SPMAP2L: variants seen among roughly 807,000 people sequenced by gnomAD.
The protein encoded by SPMAP2L is sperm microtubule associated protein 2 like, also known as sperm microtubule associated protein 2-like.
chr4:56,593,466 G>A, the SPMAP2L span: 2 of 1,589,806 alleles, frequency 1.3e-6, no homozygotes, highest in African/African-American at 2.7e-5. Flanking sequence ...ACACGGAGGG[G>A]AAGGTGGAAG....
At chr4:56,593,400 C>T in the SPMAP2L span, 14 of 1,348,682 alleles carry the variant, frequency 1.0e-5, no homozygotes, top group South Asian at 1.4e-4. Context: ...TGAAGTTACC[C>T]TGTGAAATGG....
At chr4:56,542,454 CTT>C in the SPMAP2L span, among the ~76,000 whole-genome samples, 8,910 of 141,978 alleles carry the variant, frequency 0.063, 456 homozygotes, top group East Asian at 0.2. Context: ...GTTAATTTAC[CTT>C]TTTTTTTTTT....
chr4:56,593,290 A>G, the SPMAP2L span: 1 of 1,181,228 alleles, frequency 8.5e-7, no homozygotes, highest in East Asian at 2.3e-5. Flanking sequence ...GCTGTGCTAC[A>G]GACACAAGAG....
chr4:56,532,092 T>C, the SPMAP2L span, among the ~76,000 whole-genome samples: 18 of 152,198 alleles, frequency 1.2e-4, no homozygotes, highest in Non-Finnish European at 2.1e-4. Flanking sequence ...TATTTCAATT[T>C]CATTTCAACT....
chr4:56,575,762 C>T, the SPMAP2L span: 1 of 942,684 alleles, frequency 1.1e-6, no homozygotes, highest in Non-Finnish European at 1.5e-6. Context: ...TGTTCCAAAG[C>T]ATCAGGTAAA....
the SPMAP2L span, among the ~76,000 whole-genome samples, chr4:56,554,703 T>G: frequency 6.6e-6 from 1 of 150,962 alleles, no homozygotes; most frequent in East Asian, 1.9e-4. Context: ...TTGTGAATCA[T>G]GCTTTTGGTG....
chr4:56,584,271 C>G, the SPMAP2L span, among the ~76,000 whole-genome samples: 1 of 152,148 alleles, frequency 6.6e-6, no homozygotes, highest in African/African-American at 2.4e-5. Context: ...GTTGGGATTA[C>G]AGACATGAGC....
At chr4:56,623,268 C>T in the SPMAP2L span, among the ~76,000 whole-genome samples, 1 of 152,196 alleles carries the variant, frequency 6.6e-6, no homozygotes, top group Non-Finnish European at 1.5e-5. Context: ...TACCCCCACC[C>T]ATGGAAAACT....
At chr4:56,610,983 A>T in the SPMAP2L span, among the ~76,000 whole-genome samples, 2 of 152,238 alleles carry the variant, frequency 1.3e-5, no homozygotes, top group African/African-American at 2.4e-5. Flanking sequence ...GAACACTTCT[A>T]CATTGCTCAT....
At chr4:56,594,574 G>A in the SPMAP2L span, 4 of 1,600,898 alleles carry the variant, frequency 2.5e-6, no homozygotes, top group East Asian at 6.7e-5. Context: ...AAGGAGAGGG[G>A]CACAGAACGG....
At chr4:56,607,111 G>A in the SPMAP2L span, among the ~76,000 whole-genome samples, 2 of 152,114 alleles carry the variant, frequency 1.3e-5, no homozygotes, top group African/African-American at 4.8e-5. Context: ...GAATGTTTGT[G>A]TCCTTCCAAA....
the SPMAP2L span, among the ~76,000 whole-genome samples, chr4:56,540,133 T>A: frequency 3.3e-5 from 5 of 152,248 alleles, no homozygotes; most frequent in African/African-American, 1.2e-4. Flanking sequence ...TGTAATCTCA[T>A]TTTATCCTTA....
At chr4:56,594,873 G>T in the SPMAP2L span, 1 of 1,609,916 alleles carries the variant, frequency 6.2e-7, no homozygotes. Context: ...GGAATCTGTC[G>T]CCCTGGAGAC....
At chr4:56,584,440 C>T in the SPMAP2L span, 1 of 1,127,464 alleles carries the variant, frequency 8.9e-7, no homozygotes, top group Non-Finnish European at 1.3e-6. Context: ...ATGGAAAATC[C>T]AGTTGTTGTT....
the SPMAP2L span, chr4:56,600,906 T>G: frequency 2.0e-6 from 3 of 1,521,056 alleles, no homozygotes; most frequent in Admixed American, 2.1e-5. Flanking sequence ...TTGGGATATA[T>G]TTTTGTGTCT....
chr4:56,604,998 C>T, the SPMAP2L span, among the ~76,000 whole-genome samples: 1 of 152,092 alleles, frequency 6.6e-6, no homozygotes, highest in East Asian at 1.9e-4. Flanking sequence ...TTTGGGGACT[C>T]AGAGGGAAGG....
At chr4:56,581,220 C>T in the SPMAP2L span, among the ~76,000 whole-genome samples, 1,035 of 151,898 alleles carry the variant, frequency 6.8e-3, 14 homozygotes, top group African/African-American at 0.024. Flanking sequence ...TTTGGGAGGC[C>T]GAGGCAGGCA....
the SPMAP2L span, among the ~76,000 whole-genome samples, chr4:56,600,524 C>A: frequency 3.0e-4 from 45 of 152,182 alleles, no homozygotes; most frequent in Non-Finnish European, 4.9e-4. Context: ...AGACTCCTGA[C>A]TTCATGATCC....
chr4:56,602,891 A>G, the SPMAP2L span, among the ~76,000 whole-genome samples: 1 of 152,186 alleles, frequency 6.6e-6, no homozygotes, highest in African/African-American at 2.4e-5. Context: ...GTTATGGTAA[A>G]TGATACATAG....
Sources: gnomAD v4.1 joint callset for allele counts (sites outside exome capture counted in the v4.1 genomes callset) on GRCh38, gnomAD v4.1.1 for gene constraint, MANE v1.5 for transcripts, NCBI Gene and HGNC (gene_info 2026-07-23, HGNC 2026-07-21) for gene names.